PCDH9: variants seen among roughly 807,000 people sequenced by gnomAD.
PCDH9 encodes protocadherin 9.
PCDH9 carries 24 observed loss-of-function variants against 70.6 expected under a neutral mutation model. The observed-to-expected ratio is 0.34, with a 90% CI of 0.25 to 0.48. The LOEUF is 0.48. Among genes scored for constraint, PCDH9 ranks in the 20% least tolerant of loss-of-function variants. The pLI, the probability that PCDH9 is intolerant of heterozygous loss-of-function variation, is 0.99. For synonymous variants in PCDH9, 562 were observed against 558.5 expected, an observed-to-expected ratio of 1.01 and a Z score of -0.09; for missense variants, 1,281 against 1,503.6, an observed-to-expected ratio of 0.85 and a Z score of 2.45.
Position 66,303,863 on chromosome 13 carries a change from A to T in PCDH9, c.*792T>A, listed in dbSNP as rs555134777. 1 of 152,082 alleles carries T rather than the reference A, an allele frequency of 6.6e-6. No individual in the cohort carries two copies. Among genetic ancestry groups the T allele is most frequent in the Non-Finnish European group, 1.5e-5 (1 of 67,982 alleles). 9.4% of individuals were successfully genotyped at this position (152,082 alleles called of 1,614,324 possible). A position where few individuals can be genotyped will look rare whatever the true frequency, so the allele number is the denominator to read the frequency against. On this transcript the variant is annotated 3_prime_UTR_variant, in exon 5 of 5. Transcript: ENST00000377865. ...TTCTTTCATCTTTATTGTTTACAGA[A>T]TTCCGGCATCATAAGCTATCATATG...
chr13:67,086,574 T>G (rs959611130), intron 2 of PCDH9, among the ~76,000 whole-genome samples: 1 of 152,072 alleles, frequency 6.6e-6, no homozygotes, highest in Non-Finnish European at 1.5e-5. Context: ...AGTGATAACA[T>G]CAGAAGTAAA....
chr13:66,455,785 T>C (rs570637135), intron 4 of PCDH9, among the ~76,000 whole-genome samples: 6 of 152,128 alleles, frequency 3.9e-5, no homozygotes, highest in Non-Finnish European at 7.4e-5. Context: ...TTCTTTTCAA[T>C]TGTTATTATT....
intron 2 of PCDH9, among the ~76,000 whole-genome samples, chr13:67,084,775 T>C (rs1337013478): frequency 6.6e-6 from 1 of 151,292 alleles, no homozygotes; most frequent in East Asian, 2.0e-4. Context: ...GAGACCATCC[T>C]GGCCAACATG....
intron 3 of PCDH9, among the ~76,000 whole-genome samples, chr13:66,897,776 A>G (rs551798809): frequency 6.6e-6 from 1 of 152,056 alleles, no homozygotes; most frequent in South Asian, 2.1e-4. Context: ...TATTTTAATG[A>G]TTTTTTTGAA....
chr13:66,868,594 T>C (rs904188028), intron 3 of PCDH9, among the ~76,000 whole-genome samples: 1 of 152,126 alleles, frequency 6.6e-6, no homozygotes, highest in Non-Finnish European at 1.5e-5. Context: ...TCTGTCATCA[T>C]GTGAAGAAAG....
chr13:66,778,720 T>C (rs912957989), intron 3 of PCDH9, among the ~76,000 whole-genome samples: 1 of 152,238 alleles, frequency 6.6e-6, no homozygotes, highest in African/African-American at 2.4e-5. Flanking sequence ...GACATGCCAA[T>C]GATAAAGCTG....
intron 2 of PCDH9, among the ~76,000 whole-genome samples, chr13:66,987,520 G>T (rs540280663): frequency 2.6e-5 from 4 of 151,824 alleles, no homozygotes; most frequent in Non-Finnish European, 5.9e-5. Flanking sequence ...AACAACCTAC[G>T]TAATGTAATA....
At chr13:66,308,558 C>T (rs575852609) in intron 4 of PCDH9, among the ~76,000 whole-genome samples, 2 of 151,990 alleles carry the variant, frequency 1.3e-5, no homozygotes, top group Non-Finnish European at 2.9e-5. Context: ...ATGGGAGAAG[C>T]CTTTCAGGCA....
At chr13:66,874,479 C>T (rs2081760149) in intron 3 of PCDH9, among the ~76,000 whole-genome samples, 1 of 152,136 alleles carries the variant, frequency 6.6e-6, no homozygotes, top group Non-Finnish European at 1.5e-5. Flanking sequence ...AAACATACTT[C>T]ATGGATCTTT....
chr13:66,380,687 G>A (rs1341438240), intron 4 of PCDH9, among the ~76,000 whole-genome samples: 1 of 151,900 alleles, frequency 6.6e-6, no homozygotes, highest in Non-Finnish European at 1.5e-5. Flanking sequence ...GGGACTACAG[G>A]CGCCCGCCAC....
chr13:66,904,612 T>A lies in PCDH9; in HGVS notation c.3037-1007A>T, dbSNP rs193218847. Among the ~76,000 whole-genome samples the A allele has an allele frequency of 5.2e-3, 798 of 152,116 alleles. 9 individuals are homozygous for A. Among genetic ancestry groups the A allele is most frequent in the African/African-American group, 0.018 (754 of 41,566 alleles). On this transcript the variant is annotated intron_variant, in intron 2 of 4. Coordinates refer to ENST00000377865, the MANE Select transcript of PCDH9 (RefSeq NM_203487.3). ...ATTACAAGCAAAGAGACTATTCTTT[T>A]CAAAACTAGTATGCCATGTTTCCTA...
intron 2 of PCDH9, among the ~76,000 whole-genome samples, chr13:66,967,159 G>A (rs1174902540): frequency 6.6e-6 from 1 of 151,808 alleles, no homozygotes; most frequent in Non-Finnish European, 1.5e-5. Context: ...AGTTATGTTA[G>A]AGAAAAAAAT....
intron 2 of PCDH9, among the ~76,000 whole-genome samples, chr13:67,031,401 A>G (rs1443700981): frequency 6.6e-6 from 1 of 152,182 alleles, no homozygotes; most frequent in Non-Finnish European, 1.5e-5. Flanking sequence ...TTATTAGTCA[A>G]TGTTTATAAT....
chr13:66,497,065 T>C (rs2099717519), intron 4 of PCDH9, among the ~76,000 whole-genome samples: 2 of 151,938 alleles, frequency 1.3e-5, no homozygotes, highest in African/African-American at 4.8e-5. Flanking sequence ...AAGTTTCTGC[T>C]TACTTTTTCA....
At chr13:66,897,471 A>G (rs1220622938) in intron 3 of PCDH9, among the ~76,000 whole-genome samples, 2 of 152,154 alleles carry the variant, frequency 1.3e-5, no homozygotes, top group Non-Finnish European at 1.5e-5. Flanking sequence ...CCATTTAAAA[A>G]ATGAAATCAA....
chr13:66,458,773 G>A (rs1451821413), intron 4 of PCDH9, among the ~76,000 whole-genome samples: 1 of 151,930 alleles, frequency 6.6e-6, no homozygotes, highest in East Asian at 1.9e-4. Context: ...TTTCCTATGA[G>A]AAAATACACT....
chr13:66,846,466 A>G (rs1034245398), intron 3 of PCDH9, among the ~76,000 whole-genome samples: 14 of 152,292 alleles, frequency 9.2e-5, no homozygotes, highest in African/African-American at 3.4e-4. Context: ...GAAGTGGAAA[A>G]CAATTAAATC....
intron 2 of PCDH9, among the ~76,000 whole-genome samples, chr13:67,055,596 G>A (rs1157311102): frequency 5.9e-5 from 9 of 151,644 alleles, no homozygotes; most frequent in Non-Finnish European, 1.0e-4. Context: ...AGGATCAGTT[G>A]AGGCCAGGTG....
At chr13:66,601,565 G>C (rs923357332) in intron 4 of PCDH9, among the ~76,000 whole-genome samples, 1 of 146,346 alleles carries the variant, frequency 6.8e-6, no homozygotes, top group Non-Finnish European at 1.5e-5. Flanking sequence ...CATTGTACTA[G>C]TAAATTTTTC....
Sources: gnomAD v4.1 joint callset for allele counts (sites outside exome capture counted in the v4.1 genomes callset) on GRCh38, gnomAD v4.1.1 for gene constraint, MANE v1.5 for transcripts, NCBI Gene and HGNC (gene_info 2026-07-23, HGNC 2026-07-21) for gene names.